TMEM117: variants seen among roughly 807,000 people sequenced by gnomAD.
TMEM117 encodes transmembrane protein 117.
Under a neutral mutation model 52.4 loss-of-function variants are expected in TMEM117, and 27 were observed. The ratio of observed to expected loss-of-function variants is 0.51; its 90% CI spans 0.38 to 0.71. The LOEUF (loss-of-function observed/expected upper bound fraction) is 0.71. TMEM117 is among the 30% of genes least tolerant of loss of function. The pLI is 0.00. For missense variants in TMEM117, 556 were observed against 630.5 expected, an observed-to-expected ratio of 0.88 and a Z score of 1.26; for synonymous variants, 215 against 206.3, an observed-to-expected ratio of 1.04 and a Z score of -0.36.
At chr12:44,323,352 C>T (rs1216607094) in intron 6 of TMEM117, among the ~76,000 whole-genome samples, 1 of 152,180 alleles carries the variant, frequency 6.6e-6, no homozygotes, top group African/African-American at 2.4e-5. Context: ...TTTCCCAACA[C>T]TGAGTGTTAA....
At chr12:44,194,139 A>G (rs1218588846) in intron 4 of TMEM117, among the ~76,000 whole-genome samples, 1 of 152,218 alleles carries the variant, frequency 6.6e-6, no homozygotes, top group Non-Finnish European at 1.5e-5. Flanking sequence ...CAAATTTTAA[A>G]TGATTGAAAT....
At chr12:44,216,552 A>G (rs2138414315) in intron 5 of TMEM117, among the ~76,000 whole-genome samples, 1 of 152,318 alleles carries the variant, frequency 6.6e-6, no homozygotes, top group East Asian at 1.9e-4. Flanking sequence ...GAAAGCTGAA[A>G]TTTGTGTATT....
In TMEM117 at chr12:44,098,299, G is replaced by A. The variant is rs1947806026; in HGVS notation, c.411-45226G>A. Among the ~76,000 whole-genome samples the A allele has an allele frequency of 2.0e-5, 3 of 152,044 alleles. No individual in the cohort carries two copies. In the South Asian group the frequency reaches 6.2e-4, roughly 31 times the overall value. ...TGATGGCATGATGTGGCTGAGCATT[G>A]TCCGGGAGAGAGGCTGCCAGTGATA... On this transcript the variant is annotated intron_variant, in intron 3 of 7. Transcript: ENST00000266534.
chr12:44,392,609 G>C (rs576164924), downstream of TMEM117, among the ~76,000 whole-genome samples: 50 of 151,846 alleles, frequency 3.3e-4, no homozygotes, highest in African/African-American at 1.0e-3. Context: ...TGCCATGTTG[G>C]TGTGCTGCAC....
intron 4 of TMEM117, among the ~76,000 whole-genome samples, chr12:44,164,486 A>T (rs1208078087): frequency 6.6e-6 from 1 of 152,156 alleles, no homozygotes; most frequent in Non-Finnish European, 1.5e-5. Context: ...GAGTTACTTC[A>T]CTTAGTTTAA....
At chr12:43,970,446 A>G (rs1463975763) in intron 3 of TMEM117, among the ~76,000 whole-genome samples, 2 of 151,558 alleles carry the variant, frequency 1.3e-5, no homozygotes, top group East Asian at 1.9e-4. Context: ...CTGCCACCAC[A>G]CCTGGCTAAT....
chr12:44,028,468 A>C (rs957242790), intron 3 of TMEM117, among the ~76,000 whole-genome samples: 2 of 152,208 alleles, frequency 1.3e-5, no homozygotes, highest in Admixed American at 6.5e-5. Flanking sequence ...GTCAGCACAA[A>C]ATACAGGTCA....
intron 3 of TMEM117, among the ~76,000 whole-genome samples, chr12:44,123,399 G>A (rs982837308): frequency 1.3e-5 from 2 of 152,068 alleles, no homozygotes; most frequent in Admixed American, 6.5e-5. Context: ...CTCTTTATTA[G>A]TTTAATTAGA....
chr12:44,100,577 G>T (rs575157902), intron 3 of TMEM117, among the ~76,000 whole-genome samples: 2 of 152,078 alleles, frequency 1.3e-5, no homozygotes, highest in African/African-American at 4.8e-5. Flanking sequence ...ATGATACTTT[G>T]CTCATATTGT....
At chr12:43,839,988 C>CA (rs1943091966) in intron 1 of TMEM117, among the ~76,000 whole-genome samples, 1 of 152,214 alleles carries the variant, frequency 6.6e-6, no homozygotes, top group South Asian at 2.1e-4. Flanking sequence ...CCCAAGCACC[C>CA]AGTGTTCCAG....
At chr12:44,276,487 G>T (rs1276504485) in intron 5 of TMEM117, among the ~76,000 whole-genome samples, 1 of 152,066 alleles carries the variant, frequency 6.6e-6, no homozygotes, top group Non-Finnish European at 1.5e-5. Context: ...AGCAGCTGGG[G>T]GTGAGGGGAC....
chr12:44,384,842 C>A (rs1176375284), intron 7 of TMEM117, among the ~76,000 whole-genome samples: 1 of 152,132 alleles, frequency 6.6e-6, no homozygotes, highest in Non-Finnish European at 1.5e-5. Context: ...AATAATACCA[C>A]CCTACATTTT....
At chr12:43,883,484 A>G (rs1943932894) in intron 2 of TMEM117, among the ~76,000 whole-genome samples, 2 of 152,236 alleles carry the variant, frequency 1.3e-5, no homozygotes, top group Non-Finnish European at 2.9e-5. Flanking sequence ...AACCAGAAAC[A>G]GTAAGACAGT....
At chr12:44,223,214 C>A (rs1190036778) in intron 5 of TMEM117, among the ~76,000 whole-genome samples, 2 of 151,976 alleles carry the variant, frequency 1.3e-5, no homozygotes, top group African/African-American at 4.8e-5. Flanking sequence ...CTCCACCCTG[C>A]AAAATGCCCC....
chr12:44,342,139 C>A (rs986580567), intron 6 of TMEM117, among the ~76,000 whole-genome samples: 4 of 152,264 alleles, frequency 2.6e-5, no homozygotes, highest in African/African-American at 9.6e-5. Context: ...TTCTCAGGAA[C>A]AATTCCAGTG....
At chr12:44,236,402 C>T (rs960916914) in intron 5 of TMEM117, among the ~76,000 whole-genome samples, 1 of 151,996 alleles carries the variant, frequency 6.6e-6, no homozygotes, top group Admixed American at 6.6e-5. Flanking sequence ...TCTCTTAAAC[C>T]TGTTCTTAAT....
chr12:44,172,899 A>G (rs990096895), intron 4 of TMEM117, among the ~76,000 whole-genome samples: 1 of 151,724 alleles, frequency 6.6e-6, no homozygotes, highest in Non-Finnish European at 1.5e-5. Context: ...TAATTTTTGT[A>G]TTTTTAGTAG....
intron 4 of TMEM117, among the ~76,000 whole-genome samples, chr12:44,191,869 C>A (rs1479351771): frequency 2.6e-5 from 4 of 151,894 alleles, no homozygotes; most frequent in African/African-American, 9.7e-5. Flanking sequence ...AGAATACATT[C>A]AATGTGTGCT....
At chr12:44,224,416 A>G (rs1351185001) in intron 5 of TMEM117, among the ~76,000 whole-genome samples, 2 of 152,068 alleles carry the variant, frequency 1.3e-5, no homozygotes, top group East Asian at 1.9e-4. Flanking sequence ...ACTCTTCTCT[A>G]CATCCTTCAT....
Sources: gnomAD v4.1 joint callset for allele counts (sites outside exome capture counted in the v4.1 genomes callset) on GRCh38, gnomAD v4.1.1 for gene constraint, MANE v1.5 for transcripts, NCBI Gene and HGNC (gene_info 2026-07-23, HGNC 2026-07-21) for gene names.